Variants in GMFB observed in about 807,000 individuals in gnomAD.
GMFB encodes the protein glia maturation factor beta.
In GMFB, 13 loss-of-function variants were observed where a neutral mutation model predicts 25.6. The observed-to-expected ratio is 0.51, with a 90% CI of 0.33 to 0.81. The LOEUF (loss-of-function observed/expected upper bound fraction) is 0.81, where lower values mean the gene tolerates loss of function less well. Ranked by LOEUF, GMFB falls within the 30% of genes least tolerant of loss-of-function variation. The probability of loss-of-function intolerance (pLI) is 0.02; values close to 1 mark genes in which losing one functional copy is unlikely to be tolerated. For synonymous variants in GMFB, 57 were observed against 56.9 expected, an observed-to-expected ratio of 1.00 and a Z score of 0.00; for missense variants, 146 against 175.4, an observed-to-expected ratio of 0.83 and a Z score of 0.95.
In GMFB at chr14:54,482,071, G is replaced by T. The variant is rs370205542; in HGVS notation, c.150+82C>A. 16 of 870,364 alleles carry T rather than the reference G, an allele frequency of 1.8e-5. No individual in the cohort carries two copies. In the African/African-American group the frequency reaches 2.6e-4, roughly 14 times the overall value. 53.9% of individuals were successfully genotyped at this position (870,364 alleles called of 1,614,324 possible). ...TAAAGGAGGTTCAAGATTCGTTTTA[G>T]AAGCATATGTAACTAATATAGCATC... On this transcript the variant is annotated intron_variant, in intron 3 of 6. Coordinates refer to ENST00000358056, the MANE Select transcript of GMFB (RefSeq NM_004124.3).
intron 1 of GMFB, among the ~76,000 whole-genome samples, chr14:54,485,058 A>C (rs1030922436): frequency 2.4e-4 from 37 of 152,152 alleles, no homozygotes; most frequent in African/African-American, 8.9e-4. Context: ...ACAAACCCAC[A>C]GCTGACAGCA....
At chr14:54,485,020 C>T (rs532268311) in intron 1 of GMFB, among the ~76,000 whole-genome samples, 40 of 151,664 alleles carry the variant, frequency 2.6e-4, no homozygotes, top group Admixed American at 1.5e-3. Flanking sequence ...AGAAAGAACA[C>T]ACCTCAAAAC....
chr14:54,479,989 G>C (rs1349998691), intron 5 of GMFB, 130 bp from the exon 6 acceptor site: 2 of 609,598 alleles, frequency 3.3e-6, no homozygotes, highest in Admixed American at 2.8e-5. Flanking sequence ...ATATATATGG[G>C]TTGTATTTTG....
At chr14:54,481,781 C>A (rs1420443535) in intron 3 of GMFB, among the ~76,000 whole-genome samples, 1 of 151,950 alleles carries the variant, frequency 6.6e-6, no homozygotes, top group Non-Finnish European at 1.5e-5. Context: ...TGTCTGATTT[C>A]AGAAAAAAGA....
chr14:54,488,790 G>T, intron 1 of GMFB, 135 bp downstream of exon 1: 1 of 638,502 alleles, frequency 1.6e-6, no homozygotes, highest in East Asian at 3.4e-5. Context: ...ATGGGCACTG[G>T]CCAGCTGCTG....
intron 1 of GMFB, among the ~76,000 whole-genome samples, chr14:54,484,433 G>A (rs970662087): frequency 2.0e-5 from 3 of 151,948 alleles, no homozygotes; most frequent in African/African-American, 7.2e-5. Context: ...TAACAAAATG[G>A]AAAACCTGGA....
intron 4 of GMFB, 149 bp from the exon 5 acceptor site, chr14:54,481,105 G>T: frequency 1.7e-6 from 1 of 572,454 alleles, no homozygotes; most frequent in Non-Finnish European, 3.1e-6. Flanking sequence ...GGGTTCCAAG[G>T]ATAAGTTATA....
rs1384504301 is a variant in GMFB, at chr14:54,475,273, C to G, written c.*2815G>C. The G allele has an allele frequency of 6.6e-6, 1 of 152,510 alleles. No individual in the cohort carries two copies. Among genetic ancestry groups the G allele is most frequent in the Admixed American group, 6.5e-5 (1 of 15,276 alleles). 9.4% of individuals were successfully genotyped at this position (152,510 alleles called of 1,614,324 possible). A position where few individuals can be genotyped will look rare whatever the true frequency, so the allele number is the denominator to read the frequency against. On this transcript the variant is annotated 3_prime_UTR_variant, in exon 7 of 7. Coordinates refer to ENST00000358056, the MANE Select transcript of GMFB (RefSeq NM_004124.3). The stretch of plus-strand genomic sequence containing the variant: ...CAGCCAAATTTAATTTGGCAATAAA[C>G]TCCCCTAACTGGAAATTTTTAGCTA...
At chr14:54,481,003 A>G in intron 4 of GMFB, 47 bp from the exon 5 acceptor site, 2 of 860,454 alleles carry the variant, frequency 2.3e-6, no homozygotes, top group Non-Finnish European at 3.8e-6. Flanking sequence ...TCAGACAGGT[A>G]TTTACCAACA....
At chr14:54,482,303 A>C (rs1476404458) in intron 2 of GMFB, 101 bp from the exon 3 acceptor site, 1 of 702,338 alleles carries the variant, frequency 1.4e-6, no homozygotes, top group Non-Finnish European at 2.6e-6. Flanking sequence ...TCTAAAATTA[A>C]AACATCAAGA....
At chr14:54,478,347 C>A in intron 6 of GMFB, 188 bp from the exon 7 acceptor site, 1 of 372,988 alleles carries the variant, frequency 2.7e-6, no homozygotes. Context: ...TGAGATATAC[C>A]TTTTAGGTAG....
Position 54,483,666 on chromosome 14 carries a change from C to T in GMFB, c.100+5G>A. 6.8e-7 allele frequency: 1 copy of T among 1,474,486 alleles called. No homozygotes were observed. Among genetic ancestry groups the T allele is most frequent in the African/African-American group, 1.4e-5 (1 of 72,040 alleles). 91.3% of individuals were successfully genotyped at this position (1,474,486 alleles called of 1,614,324 possible). A position where few individuals can be genotyped will look rare whatever the true frequency, so the allele number is the denominator to read the frequency against. ...GTAACTTTGAGGCAATCACTTTTAG[C>T]TTACTTATAATAGCAGCGTTGTTCG... On this transcript the variant is annotated splice_donor_5th_base_variant and intron_variant, in intron 2 of 6. Coordinates refer to ENST00000358056, the MANE Select transcript of GMFB (RefSeq NM_004124.3).
chr14:54,486,291 T>G (rs115904187), intron 1 of GMFB, among the ~76,000 whole-genome samples: 1 of 151,988 alleles, frequency 6.6e-6, no homozygotes, highest in African/African-American at 2.4e-5. Context: ...ACCCCAACTC[T>G]CAGCATATAC....
chr14:54,477,483 T>C lies in GMFB; in HGVS notation c.*605A>G, dbSNP rs1048059112. ...GGAGAAAAGCTAACAGTCATAATTCTATCATAAAATCTAACTCCCGACCTT... is the reference window on the plus strand; with the variant it reads ...GGAGAAAAGCTAACAGTCATAATTCCATCATAAAATCTAACTCCCGACCTT... On this transcript the variant is annotated 3_prime_UTR_variant, in exon 7 of 7. Coordinates refer to ENST00000358056, the MANE Select transcript of GMFB (RefSeq NM_004124.3). The C allele has an allele frequency of 6.6e-6, 1 of 152,218 alleles. No homozygotes were observed. The highest frequency in any genetic ancestry group is 1.5e-5 in the Non-Finnish European group (1 of 67,928). 9.4% of individuals were successfully genotyped at this position (152,218 alleles called of 1,614,324 possible).
Position 54,476,887 on chromosome 14 carries a change from C to T in GMFB, c.*1201G>A, listed in dbSNP as rs1327545712. 6.6e-6 allele frequency: 1 copy of T among 151,976 alleles called. No individual in the cohort carries two copies. The highest frequency in any genetic ancestry group is 2.4e-5 in the African/African-American group (1 of 41,404). The allele number at this position is 151,976 out of a possible 1,614,324, so 9.4% of individuals were successfully genotyped here. On this transcript the variant is annotated 3_prime_UTR_variant, in exon 7 of 7. Transcript: ENST00000358056. ...TTGTTTTTACAAGTATGCCAAATAT[C>T]AGAATCCTCGCTTTATGCCAAGAGT...
chr14:54,488,683 C>T, intron 1 of GMFB: 1 of 478,810 alleles, frequency 2.1e-6, no homozygotes, highest in Non-Finnish European at 3.7e-6. Flanking sequence ...TGGCCGCACC[C>T]TAGTCCCATG....
intron 3 of GMFB, 174 bp downstream of exon 3, chr14:54,481,979 T>C (rs2031716580): frequency 3.5e-6 from 2 of 576,384 alleles, no homozygotes; most frequent in East Asian, 3.0e-5. Context: ...TTAAACAAGG[T>C]AGTTAAATTA....
chr14:54,482,641 G>A (rs570528195), intron 2 of GMFB, among the ~76,000 whole-genome samples: 1 of 152,170 alleles, frequency 6.6e-6, no homozygotes, highest in Admixed American at 6.5e-5. Flanking sequence ...CCAAGGTCAG[G>A]ATTTCATGGC....
chr14:54,483,441 C>A, intron 2 of GMFB: 1 of 483,786 alleles, frequency 2.1e-6, no homozygotes, highest in Non-Finnish European at 3.7e-6. Flanking sequence ...TTCTCCAGAG[C>A]TGTACAGGCA....
Sources: gnomAD v4.1 joint callset for allele counts (sites outside exome capture counted in the v4.1 genomes callset) on GRCh38, gnomAD v4.1.1 for gene constraint, MANE v1.5 for transcripts, NCBI Gene and HGNC (gene_info 2026-07-23, HGNC 2026-07-21) for gene names.